Variants in REPS1 observed in about 807,000 individuals in gnomAD.
REPS1 encodes ralBP1-associated Eps domain-containing protein 1.
A neutral mutation model predicts 100.9 loss-of-function variants in REPS1; 39 were observed. That is an observed-to-expected ratio of 0.39 (90% CI 0.30 to 0.50). The LOEUF (loss-of-function observed/expected upper bound fraction) is 0.50, where lower values mean the gene tolerates loss of function less well. Ranked by LOEUF, REPS1 falls within the 20% of genes least tolerant of loss-of-function variation. The probability of loss-of-function intolerance (pLI) is 0.86; values close to 1 mark genes in which losing one functional copy is unlikely to be tolerated. For missense variants in REPS1, 821 were observed against 968.5 expected (o/e 0.85, Z 2.02); for synonymous variants, 324 against 340.3 (o/e 0.95, Z 0.53).
rs879413366 is a variant in REPS1 at position 138,987,993 on chromosome 6, C to G, written c.-311G>C. 5 of 393,484 alleles carry G rather than the reference C, an allele frequency of 1.3e-5. No individual in the cohort carries two copies. The East Asian group carries it at 1.8e-4, about 14-fold the overall frequency. The allele number at this position is 393,484 out of a possible 1,614,324, so 24.4% of individuals were successfully genotyped here. A position where few individuals can be genotyped will look rare whatever the true frequency, so the allele number is the denominator to read the frequency against. The stretch of plus-strand genomic sequence containing the variant: ...AGGGTGCAGAGAAAGAGGCGGGGGC[C>G]GCGGAGGCGCGAGGCACTGGCGGAC... On this transcript the variant is annotated 5_prime_UTR_variant, in exon 1 of 20. Transcript: ENST00000450536.
At chr6:138,914,826 G>T in intron 14 of REPS1, 65 bp from the exon 15 acceptor site, 1 of 1,309,832 alleles carries the variant, frequency 7.6e-7, no homozygotes, top group Non-Finnish European at 1.1e-6. Context: ...AGAAGAAATA[G>T]GCTGAATGAA....
intron 1 of REPS1, among the ~76,000 whole-genome samples, chr6:138,979,445 C>T (rs569046197): frequency 3.9e-5 from 6 of 152,232 alleles, no homozygotes; most frequent in Middle Eastern, 3.4e-3. Flanking sequence ...TCTTTAAAAG[C>T]TATCTATACA....
At chr6:138,934,184 A>G (rs551020514) in intron 8 of REPS1, 8 of 351,786 alleles carry the variant, frequency 2.3e-5, no homozygotes, top group African/African-American at 1.1e-4. Context: ...AGTCTTTAAG[A>G]CTGTATTTTT....
chr6:138,914,906 TG>T, intron 14 of REPS1, 145 bp from the exon 15 acceptor site: 1 of 690,340 alleles, frequency 1.4e-6, no homozygotes, highest in East Asian at 2.8e-5. Flanking sequence ...ACTTGTTACA[TG>T]GTCTGTATGT....
At chr6:138,928,513 T>A (rs1781284108) in intron 9 of REPS1, 1 of 152,180 alleles carries the variant, frequency 6.6e-6, no homozygotes. Flanking sequence ...AATTATGACA[T>A]TCATGACCTC....
intron 11 of REPS1, 66 bp from the exon 12 acceptor site, chr6:138,920,382 C>T: frequency 1.2e-6 from 1 of 802,378 alleles, no homozygotes; most frequent in Non-Finnish European, 2.1e-6. Context: ...TCATAAAGCT[C>T]AGAGTGTAAG....
At chr6:138,923,815 T>G (rs1450610487) in intron 10 of REPS1, among the ~76,000 whole-genome samples, 2 of 152,246 alleles carry the variant, frequency 1.3e-5, no homozygotes, top group Non-Finnish European at 2.9e-5. Context: ...CACTGACTTT[T>G]ACTGAGCAAA....
At chr6:138,905,812 ACTC>A (rs1033757781) in intron 19 of REPS1, among the ~76,000 whole-genome samples, 3 of 152,094 alleles carry the variant, frequency 2.0e-5, no homozygotes, top group African/African-American at 7.2e-5. Flanking sequence ...GGCTATATCA[ACTC>A]CTAGATCTCA....
At chr6:138,934,300 G>A (rs959689902) in intron 8 of REPS1, 1 of 470,672 alleles carries the variant, frequency 2.1e-6, no homozygotes, top group Non-Finnish European at 4.4e-6. Context: ...GTTCTGCTCT[G>A]CCCCTGACAT....
chr6:138,986,339 C>A (rs561818330), intron 1 of REPS1, among the ~76,000 whole-genome samples: 1 of 152,332 alleles, frequency 6.6e-6, no homozygotes, highest in African/African-American at 2.4e-5. Flanking sequence ...AGATCGAACT[C>A]GTTCAACTTA....
chr6:138,979,800 C>T (rs1784832487), intron 1 of REPS1, among the ~76,000 whole-genome samples: 1 of 152,182 alleles, frequency 6.6e-6, no homozygotes, highest in Non-Finnish European at 1.5e-5. Context: ...CCTCAGGATT[C>T]CAGTTCTAGT....
chr6:138,954,520 G>C (rs867037301), intron 1 of REPS1, among the ~76,000 whole-genome samples: 1 of 113,052 alleles, frequency 8.8e-6, no homozygotes, highest in Non-Finnish European at 1.9e-5. Flanking sequence ...AAAAAAAAAA[G>C]AATCCCCCAA....
intron 13 of REPS1, among the ~76,000 whole-genome samples, chr6:138,917,058 A>G (rs62442364): frequency 0.011 from 1,634 of 152,332 alleles, 16 homozygotes; most frequent in Non-Finnish European, 0.017. Context: ...TGTCCTGCAC[A>G]CAGCTTTTAG....
intron 10 of REPS1, among the ~76,000 whole-genome samples, chr6:138,926,061 AATAC>A (rs1180191591): frequency 6.6e-6 from 1 of 152,252 alleles, no homozygotes; most frequent in Non-Finnish European, 1.5e-5. Flanking sequence ...GCATACAGAT[AATAC>A]ATAAAGAGTC....
chr6:138,970,244 CTT>C (rs1369118353), intron 1 of REPS1, among the ~76,000 whole-genome samples: 1 of 151,628 alleles, frequency 6.6e-6, no homozygotes, highest in African/African-American at 2.4e-5. Flanking sequence ...ATCTGAAGGA[CTT>C]TGTAAGTTGG....
At chr6:138,959,134 C>G (rs766932493) in intron 1 of REPS1, among the ~76,000 whole-genome samples, 1 of 152,168 alleles carries the variant, frequency 6.6e-6, no homozygotes, top group Non-Finnish European at 1.5e-5. Flanking sequence ...GCAAGTACCC[C>G]CAAGAAGTCC....
chr6:138,957,039 C>CAAA (rs57271374), intron 1 of REPS1, among the ~76,000 whole-genome samples: 4 of 145,760 alleles, frequency 2.7e-5, no homozygotes, highest in African/African-American at 1.0e-4. Context: ...TAGAAAAATA[C>CAAA]AAAAAAAAAA....
chr6:138,960,666 G>A (rs1172523296), intron 1 of REPS1, among the ~76,000 whole-genome samples: 1 of 152,078 alleles, frequency 6.6e-6, no homozygotes, highest in Non-Finnish European at 1.5e-5. Context: ...GATACATGCT[G>A]GAAAAGGAGT....
At chr6:138,969,097 T>C (rs576038133) in intron 1 of REPS1, among the ~76,000 whole-genome samples, 1 of 152,226 alleles carries the variant, frequency 6.6e-6, no homozygotes, top group South Asian at 2.1e-4. Flanking sequence ...TTATTATACC[T>C]AGTAGCATTA....
Sources: allele counts gnomAD v4.1 joint callset (sites outside exome capture counted in the v4.1 genomes callset), GRCh38; gene constraint gnomAD v4.1.1; transcripts MANE v1.5; gene names NCBI Gene and HGNC (gene_info 2026-07-23, HGNC 2026-07-21).